PALM2AKAP2: variants seen among roughly 807,000 people sequenced by gnomAD.
The protein encoded by PALM2AKAP2 is PALM2-AKAP2 fusion protein.
In PALM2AKAP2, 37 loss-of-function variants were observed where a neutral mutation model predicts 71.5. The ratio of observed to expected loss-of-function variants is 0.52; its 90% confidence interval spans 0.40 to 0.68. The LOEUF (loss-of-function observed/expected upper bound fraction) is 0.68. Ranked by LOEUF, PALM2AKAP2 falls within the 30% of genes least tolerant of loss-of-function variation. The pLI is 0.00. For missense variants in PALM2AKAP2, 1,224 were observed against 1,191.8 expected (o/e 1.03, Z -0.40); for synonymous variants, 468 against 478.8 (o/e 0.98, Z 0.29).
At chr9:109,902,926 C>G (rs1039525261) in intron 3 of PALM2AKAP2, among the ~76,000 whole-genome samples, 9 of 152,248 alleles carry the variant, frequency 5.9e-5, no homozygotes, top group Admixed American at 5.9e-4. Flanking sequence ...TCACTCAGTC[C>G]CACAGATACC....
At chr9:109,766,101 C>T (rs1175684041) in intron 1 of PALM2AKAP2, among the ~76,000 whole-genome samples, 1 of 152,196 alleles carries the variant, frequency 6.6e-6, no homozygotes, top group African/African-American at 2.4e-5. Context: ...GCATTACCTT[C>T]CCTACTGTCT....
chr9:110,116,175 T>C (rs954772725), intron 1 of PALM2AKAP2, among the ~76,000 whole-genome samples: 4 of 152,202 alleles, frequency 2.6e-5, no homozygotes, highest in African/African-American at 9.7e-5. Flanking sequence ...GAATTTGGGA[T>C]TGCCTAAGTG....
At chr9:109,655,429 T>C (rs1429801144) in intron 1 of PALM2AKAP2, among the ~76,000 whole-genome samples, 1 of 152,198 alleles carries the variant, frequency 6.6e-6, no homozygotes, top group Admixed American at 6.5e-5. Context: ...TATATGTATT[T>C]TGTGTGTGTG....
chr9:110,015,468 C>T (rs545371032), intron 6 of PALM2AKAP2, among the ~76,000 whole-genome samples: 6 of 152,006 alleles, frequency 3.9e-5, no homozygotes, highest in Admixed American at 1.3e-4. Flanking sequence ...GGTGTGGTGG[C>T]GGGTGCCTGT....
At chr9:109,746,469 T>G (rs1828803472) in intron 1 of PALM2AKAP2, among the ~76,000 whole-genome samples, 1 of 152,228 alleles carries the variant, frequency 6.6e-6, no homozygotes, top group Non-Finnish European at 1.5e-5. Context: ...AAGTAGGTGT[T>G]TGATCATACA....
chr9:109,826,212 T>TGTGGGG (rs1564166492), intron 1 of PALM2AKAP2, among the ~76,000 whole-genome samples: 1 of 124,224 alleles, frequency 8.0e-6, no homozygotes, highest in African/African-American at 3.1e-5. Context: ...CGGGGCCTGT[T>TGTGGGG]GTGGGGGTGG....
chr9:109,725,675 T>C (rs1828464459), intron 1 of PALM2AKAP2, among the ~76,000 whole-genome samples: 1 of 152,182 alleles, frequency 6.6e-6, no homozygotes, highest in South Asian at 2.1e-4. Context: ...CATAGAGGTG[T>C]GCATATTTAA....
intron 1 of PALM2AKAP2, among the ~76,000 whole-genome samples, chr9:109,759,987 C>T (rs1829026260): frequency 6.6e-6 from 1 of 152,086 alleles, no homozygotes; most frequent in Admixed American, 6.6e-5. Context: ...CATATAATTA[C>T]CTCCAAAATG....
chr9:109,659,577 A>G (rs904187727), intron 1 of PALM2AKAP2, among the ~76,000 whole-genome samples: 1 of 152,190 alleles, frequency 6.6e-6, no homozygotes, highest in Non-Finnish European at 1.5e-5. Context: ...CTTCTACACC[A>G]TAGTATATTA....
At chr9:109,665,054 C>G (rs1158355700) in intron 1 of PALM2AKAP2, among the ~76,000 whole-genome samples, 5 of 152,174 alleles carry the variant, frequency 3.3e-5, no homozygotes, top group African/African-American at 1.2e-4. Context: ...AAGTTCTTCT[C>G]TACAGTGTTT....
chr9:109,902,824 G>C (rs1003838924), intron 3 of PALM2AKAP2, among the ~76,000 whole-genome samples: 5 of 152,180 alleles, frequency 3.3e-5, no homozygotes, highest in African/African-American at 7.2e-5. Flanking sequence ...CCCTGTCCAT[G>C]TGGAACACAT....
At chr9:109,641,458 A>G (rs1001121698) in intron 1 of PALM2AKAP2, among the ~76,000 whole-genome samples, 20 of 152,244 alleles carry the variant, frequency 1.3e-4, no homozygotes, top group African/African-American at 4.8e-4. Flanking sequence ...GTGGAATTAC[A>G]ACGTTTGGCA....
At chr9:109,688,890 C>T (rs555583003) in intron 1 of PALM2AKAP2, among the ~76,000 whole-genome samples, 10 of 152,260 alleles carry the variant, frequency 6.6e-5, no homozygotes, top group African/African-American at 2.2e-4. Flanking sequence ...AGGCAAATTC[C>T]GTTGTAATCT....
intron 3 of PALM2AKAP2, among the ~76,000 whole-genome samples, chr9:110,160,070 C>G (rs555415856): frequency 2.8e-4 from 43 of 152,144 alleles, no homozygotes; most frequent in Non-Finnish European, 5.7e-4. Flanking sequence ...GATTACCATC[C>G]CCACCCCTAC....
intron 1 of PALM2AKAP2, among the ~76,000 whole-genome samples, chr9:109,691,847 T>G (rs1197445111): frequency 1.0e-4 from 3 of 28,698 alleles, no homozygotes; most frequent in Non-Finnish European, 2.3e-4. Flanking sequence ...TATATATATA[T>G]ATATATATAT....
intron 1 of PALM2AKAP2, among the ~76,000 whole-genome samples, chr9:109,695,531 C>A (rs540104598): frequency 6.6e-6 from 1 of 152,014 alleles, no homozygotes; most frequent in Non-Finnish European, 1.5e-5. Flanking sequence ...TTTTGATTTG[C>A]GTTTCCCTGA....
intron 6 of PALM2AKAP2, among the ~76,000 whole-genome samples, chr9:110,006,208 A>G (rs1080180): frequency 0.022 from 3,107 of 142,718 alleles, 111 homozygotes; most frequent in African/African-American, 0.076. Flanking sequence ...TTCTCTCTAT[A>G]TCTCTTCTCT....
intron 1 of PALM2AKAP2, among the ~76,000 whole-genome samples, chr9:109,845,397 G>T (rs1828827889): frequency 6.6e-6 from 1 of 152,228 alleles, no homozygotes; most frequent in Admixed American, 6.5e-5. Context: ...GCAAAAAATT[G>T]CTCCATTAAC....
chr9:109,699,269 CA>C (rs1186139771), intron 1 of PALM2AKAP2, among the ~76,000 whole-genome samples: 1 of 152,238 alleles, frequency 6.6e-6, no homozygotes. Context: ...AAAGATTCAA[CA>C]CAGCTGTTAG....
Sources: gnomAD v4.1 joint callset for allele counts (sites outside exome capture counted in the v4.1 genomes callset) on GRCh38, gnomAD v4.1.1 for gene constraint, MANE v1.5 for transcripts, NCBI Gene and HGNC (gene_info 2026-07-23, HGNC 2026-07-21) for gene names.